Variants in ANKRD30B observed in about 807,000 individuals in gnomAD.
ANKRD30B encodes ankyrin repeat domain 30B, also known as ankyrin repeat domain-containing protein 30B.
Under a neutral mutation model 202.2 loss-of-function variants are expected in ANKRD30B, and 144 were observed. That is an observed-to-expected ratio of 0.71 (90% CI 0.62 to 0.82). The LOEUF (loss-of-function observed/expected upper bound fraction) is 0.82, where lower values mean the gene tolerates loss of function less well. Ranked by LOEUF, ANKRD30B falls within the 40% of genes least tolerant of loss-of-function variation. ANKRD30B has a pLI of 0.00. For synonymous variants in ANKRD30B, 508 were observed against 561.3 expected, an observed-to-expected ratio of 0.91 and a Z score of 1.34; for missense variants, 1,487 against 1,669.1, an observed-to-expected ratio of 0.89 and a Z score of 1.90.
chr18:14,788,466 T>C (rs9675393), intron 15 of ANKRD30B, among the ~76,000 whole-genome samples: 151,432 of 152,214 alleles, frequency 0.99, 75,330 homozygotes, highest in Middle Eastern at 1. Flanking sequence ...CATATGTATA[T>C]GTGAGCCATG....
intron 12 of ANKRD30B, among the ~76,000 whole-genome samples, chr18:14,784,047 C>T (rs535936078): frequency 6.6e-5 from 10 of 152,156 alleles, no homozygotes; most frequent in African/African-American, 2.2e-4. Flanking sequence ...TGTAGCATTC[C>T]ATGTTCAGGT....
the ANKRD30B span, among the ~76,000 whole-genome samples, chr18:14,879,468 G>A: frequency 2.0e-5 from 3 of 152,022 alleles, no homozygotes; most frequent in Admixed American, 6.6e-5. Context: ...CAATCCCCTC[G>A]CTGCCGTGCA....
rs1238116959 is a variant in ANKRD30B at position 14,748,583 on chromosome 18, AGAAGATGACAGTAGG to A, written c.170_184del (p.Met57_Lys61del). 1 of 1,564,858 alleles carries A rather than the reference AGAAGATGACAGTAGG, an allele frequency of 6.4e-7. No individual in the cohort carries two copies. The highest frequency in any genetic ancestry group is 2.4e-5 in the East Asian group (1 of 42,284). On this transcript the variant is annotated inframe_deletion, in exon 1 of 44. Coordinates refer to ENST00000690538, the MANE Select transcript of ANKRD30B (RefSeq NM_001367607.2). Reference sequence around the variant, plus strand: ...TCCCGGGGCCAAGTCCAGAAGCTGGAGAAGATGACAGTAGGGAAGAAGCCCGTCAACCTGAACAAA... The same window carrying A: ...TCCCGGGGCCAAGTCCAGAAGCTGGAGAAGAAGCCCGTCAACCTGAACAAA...
At chr18:14,900,455 T>C in the ANKRD30B span, among the ~76,000 whole-genome samples, 1 of 152,174 alleles carries the variant, frequency 6.6e-6, no homozygotes, top group Non-Finnish European at 1.5e-5. Context: ...TCTATTCTCT[T>C]CTTGTCATAT....
rs1567989711 is a variant in ANKRD30B at position 14,766,493 on chromosome 18, A to AAAAAAG, written c.1225+2407_1225+2408insAGAAAA. On this transcript the variant is annotated intron_variant, in intron 7 of 43. Transcript: ENST00000690538. Reference sequence around the variant, plus strand: ...ATCTCAAAAAAAAAAAAAAAAAAAAAAAAAGAAAAGAAAAGAAAAGAAAAG... The same window carrying AAAAAAG: ...ATCTCAAAAAAAAAAAAAAAAAAAAAAAAAAGAAAAGAAAAGAAAAGAAAAGAAAAG... Among the ~76,000 whole-genome samples, 16 of 85,062 alleles carry AAAAAAG rather than the reference A, an allele frequency of 1.9e-4. 1 individual carries two copies. Among genetic ancestry groups the AAAAAAG allele is most frequent in the East Asian group, 5.8e-4 (2 of 3,460 alleles). 55.8% of individuals were successfully genotyped at this position (85,062 alleles called of 152,430 possible). A position where few individuals can be genotyped will look rare whatever the true frequency, so the allele number is the denominator to read the frequency against.
At chr18:14,790,222 A>AT (rs1180244312) in intron 15 of ANKRD30B, among the ~76,000 whole-genome samples, 1 of 152,052 alleles carries the variant, frequency 6.6e-6, no homozygotes, top group East Asian at 1.9e-4. Flanking sequence ...AATGCTTGTG[A>AT]TTTTTTACAT....
chr18:14,907,049 A>T, the ANKRD30B span, among the ~76,000 whole-genome samples: 1 of 152,188 alleles, frequency 6.6e-6, no homozygotes, highest in East Asian at 1.9e-4. Context: ...TATGGAGGTC[A>T]AAGTTCTTAT....
intron 1 of ANKRD30B, among the ~76,000 whole-genome samples, chr18:14,752,194 C>T (rs1167368875): frequency 6.6e-6 from 1 of 152,132 alleles, no homozygotes; most frequent in Non-Finnish European, 1.5e-5. Context: ...AAATACTTTG[C>T]ATAGATTCTC....
intron 5 of ANKRD30B, among the ~76,000 whole-genome samples, chr18:14,758,240 T>C (rs1441454193): frequency 6.6e-6 from 1 of 152,214 alleles, no homozygotes; most frequent in Non-Finnish European, 1.5e-5. Context: ...AAATGTCCAC[T>C]TCGGCAGAAA....
chr18:14,882,972 C>CTGATTTGCAATGATG, the ANKRD30B span, among the ~76,000 whole-genome samples: 1 of 152,052 alleles, frequency 6.6e-6, no homozygotes, highest in Non-Finnish European at 1.5e-5. Context: ...TTTTTCTATT[C>CTGATTTGCAATGATG]CATAATCATT....
At chr18:14,822,150 G>A (rs1970454647) in intron 30 of ANKRD30B, among the ~76,000 whole-genome samples, 1 of 152,020 alleles carries the variant, frequency 6.6e-6, no homozygotes, top group Non-Finnish European at 1.5e-5. Flanking sequence ...TCATGTCTTG[G>A]TCATCTTACT....
the ANKRD30B span, among the ~76,000 whole-genome samples, chr18:14,900,975 A>G: frequency 6.6e-6 from 1 of 152,296 alleles, no homozygotes; most frequent in East Asian, 1.9e-4. Context: ...GCCAAACTGA[A>G]TCTTAACTAA....
At chr18:14,876,208 C>A in the ANKRD30B span, among the ~76,000 whole-genome samples, 1 of 151,838 alleles carries the variant, frequency 6.6e-6, no homozygotes, top group Non-Finnish European at 1.5e-5. Flanking sequence ...TTTGGGTCAC[C>A]TTCCCAGCTT....
chr18:14,844,946 T>TA (rs1462741423), intron 39 of ANKRD30B, among the ~76,000 whole-genome samples: 3 of 151,336 alleles, frequency 2.0e-5, no homozygotes, highest in Admixed American at 1.3e-4. Context: ...GATTTTTTTT[T>TA]AAAACTTGTT....
chr18:14,898,339 C>A, the ANKRD30B span, among the ~76,000 whole-genome samples: 1 of 152,088 alleles, frequency 6.6e-6, no homozygotes, highest in African/African-American at 2.4e-5. Flanking sequence ...AATCGTCAGG[C>A]ATTAGTGAGA....
At chr18:14,853,596 A>T (rs1229776981) in intron 42 of ANKRD30B, among the ~76,000 whole-genome samples, 1 of 151,960 alleles carries the variant, frequency 6.6e-6, no homozygotes, top group Admixed American at 6.6e-5. Context: ...TAAGGGAAGA[A>T]ATTACCAGTG....
chr18:14,804,431 G>A (rs1260368773), intron 24 of ANKRD30B, among the ~76,000 whole-genome samples: 4 of 138,828 alleles, frequency 2.9e-5, no homozygotes, highest in Non-Finnish European at 6.2e-5. Context: ...TATACACTCC[G>A]TATAGACCGT....
intron 16 of ANKRD30B, among the ~76,000 whole-genome samples, chr18:14,794,993 A>C (rs1345595690): frequency 6.6e-6 from 1 of 152,228 alleles, no homozygotes; most frequent in Non-Finnish European, 1.5e-5. Context: ...CTTTCTATAA[A>C]AGCTTTTTCA....
chr18:14,819,575 A>C (rs1423363595), intron 30 of ANKRD30B, among the ~76,000 whole-genome samples: 2,770 of 152,248 alleles, frequency 0.018, 50 homozygotes, highest in Non-Finnish European at 0.025. Flanking sequence ...TCAGCTTTCT[A>C]CATATGGCTC....
Sources: gnomAD v4.1 joint callset for allele counts (sites outside exome capture counted in the v4.1 genomes callset) on GRCh38, gnomAD v4.1.1 for gene constraint, MANE v1.5 for transcripts, NCBI Gene and HGNC (gene_info 2026-07-23, HGNC 2026-07-21) for gene names.